The following LCA5 variants were observed in gnomAD, a reference collection of about 807,000 sequenced individuals.
LCA5 encodes lebercilin LCA5, also known as lebercilin.
In LCA5, 37 loss-of-function variants were observed where a neutral mutation model predicts 53.0. The ratio of observed to expected loss-of-function variants is 0.70; its 90% confidence interval spans 0.54 to 0.92. The LOEUF is 0.92. Among genes scored for constraint, LCA5 ranks in the 40% least tolerant of loss-of-function variants. The probability of loss-of-function intolerance (pLI) is 0.00; values close to 1 mark genes in which losing one functional copy is unlikely to be tolerated. For missense variants in LCA5, 806 were observed against 790.5 expected, an observed-to-expected ratio of 1.02 and a Z score of -0.23; for synonymous variants, 303 against 282.9, an observed-to-expected ratio of 1.07 and a Z score of -0.71.
intron 6 of LCA5, among the ~76,000 whole-genome samples, chr6:79,490,290 T>C (rs1331005438): frequency 1.4e-5 from 2 of 143,376 alleles, no homozygotes; most frequent in African/African-American, 5.3e-5. Context: ...TCCAATTTCA[T>C]CTGACTAAAA....
At chr6:79,532,413 T>C (rs532553254) in intron 1 of LCA5, among the ~76,000 whole-genome samples, 2 of 152,310 alleles carry the variant, frequency 1.3e-5, no homozygotes, top group African/African-American at 2.4e-5. Context: ...CTGCTTAATA[T>C]ACTTCAATGG....
Position 79,487,329 on chromosome 6 carries a change from T to C in LCA5, c.1769A>G (p.Asp590Gly), listed in dbSNP as rs771460783. 8.9e-5 allele frequency: 144 copies of C among 1,613,894 alleles called. 2 individuals carry two copies. In the East Asian group the frequency reaches 3.1e-3, roughly 35 times the overall value. Residue 590 changes from aspartate to glycine, a missense_variant, in exon 8 of 8, where the codon GAT becomes GGT. Coordinates refer to ENST00000369846, the MANE Select transcript of LCA5 (RefSeq NM_001122769.3). Reference sequence around the variant, plus strand: ...TTTTCTTGTAATTAAATCTACACCATCTTTACTAAGTTTTTCCATACTGTT... The same window carrying C: ...TTTTCTTGTAATTAAATCTACACCACCTTTACTAAGTTTTTCCATACTGTT... ...QRNSMEKLSK[D>G]GVDLITRKEK...
chr6:79,522,946 G>A (rs1370240734), intron 1 of LCA5, among the ~76,000 whole-genome samples: 1 of 150,198 alleles, frequency 6.7e-6, no homozygotes, highest in African/African-American at 2.5e-5. Flanking sequence ...AGAGATATAT[G>A]TTCAAATATT....
chr6:79,505,685 T>G (rs1770255374), intron 3 of LCA5, among the ~76,000 whole-genome samples: 1 of 152,178 alleles, frequency 6.6e-6, no homozygotes, highest in African/African-American at 2.4e-5. Context: ...TAGCTTCATT[T>G]GTTAGATAAA....
At position 79,492,660 on chromosome 6, in the gene LCA5, G is replaced by T. The variant is rs563228470; in HGVS notation, c.859-13C>A. ...CTCTCTCCTTTTCCTGAAAACAAAC[G>T]CAATACAATTAAGGAAGTAGAGCCT... On this transcript the variant is annotated splice_polypyrimidine_tract_variant and intron_variant, in intron 4 of 7. Coordinates refer to ENST00000369846, the MANE Select transcript of LCA5 (RefSeq NM_001122769.3). 2.3e-6 allele frequency: 3 copies of T among 1,324,232 alleles called. No individual in the cohort carries two copies. Among genetic ancestry groups the T allele is most frequent in the Admixed American group, 1.9e-5 (1 of 53,896 alleles). The allele number at this position is 1,324,232 out of a possible 1,614,324, so 82.0% of individuals were successfully genotyped here.
intron 3 of LCA5, among the ~76,000 whole-genome samples, chr6:79,510,311 TAAAG>T (rs1770378316): frequency 6.6e-6 from 1 of 152,042 alleles, no homozygotes; most frequent in South Asian, 2.1e-4. Context: ...AAACAAACAA[TAAAG>T]AACCTCAACC....
intron 2 of LCA5, among the ~76,000 whole-genome samples, chr6:79,516,418 T>C (rs979769287): frequency 2.6e-5 from 4 of 151,982 alleles, no homozygotes; most frequent in Non-Finnish European, 5.9e-5. Context: ...TACAAAATTA[T>C]ACCGCTCATA....
chr6:79,518,797 G>C lies in LCA5; in HGVS notation c.98C>G (p.Ser33Cys), dbSNP rs745815628. The C allele has an allele frequency of 2.5e-6, 4 of 1,614,148 alleles. No individual in the cohort carries two copies. Reference sequence around the variant, plus strand: ...AGAACTGACCAGCGATGATCGGCCAGAAGACTGTGGCGTTTCAAAATCAGA... The same window carrying C: ...AGAACTGACCAGCGATGATCGGCCACAAGACTGTGGCGTTTCAAAATCAGA... ...YLSDFETPQS[S>C]GRSSLVSSSP... Residue 33 changes from serine to cysteine, a missense_variant, in exon 2 of 8, where the codon TCT becomes TGT. By Grantham distance (112) the Ser-to-Cys change is moderately radical. Coordinates refer to ENST00000369846, the MANE Select transcript of LCA5 (RefSeq NM_001122769.3).
At position 79,526,085 on chromosome 6, in the gene LCA5, T is replaced by G. The variant is rs187385851; in HGVS notation, c.-191-7000A>C. On this transcript the variant is annotated intron_variant, in intron 1 of 7. Coordinates refer to ENST00000369846, the MANE Select transcript of LCA5 (RefSeq NM_001122769.3). ...GAAAACAGGCCACAGGAGGAAGGCC[T>G]CCCGAACTAAGACCATTTCAAAGCA... Among the ~76,000 whole-genome samples the G allele has an allele frequency of 2.0e-5, 3 of 152,178 alleles. No individual in the cohort carries two copies. In the East Asian group the frequency reaches 5.8e-4, roughly 29 times the overall value.
chr6:79,489,596 T>C (rs922610739), intron 6 of LCA5, among the ~76,000 whole-genome samples: 1 of 152,176 alleles, frequency 6.6e-6, no homozygotes, highest in Non-Finnish European at 1.5e-5. Context: ...TCAAGTGAGA[T>C]GCTGTTGAAC....
In LCA5 at chr6:79,485,455, C is replaced by T. The variant is rs970429480; in HGVS notation, c.*1549G>A. ...ATAGTAAATGGTTATACATATCAGA[C>T]ATACAAATCTATTAAGAAAACTTTT... On this transcript the variant is annotated 3_prime_UTR_variant, in exon 8 of 8. Transcript: ENST00000369846. The T allele has an allele frequency of 2.0e-5, 3 of 152,494 alleles. No homozygotes were observed. The highest frequency in any genetic ancestry group is 2.9e-5 in the Non-Finnish European group (2 of 68,000). The allele number at this position is 152,494 out of a possible 1,614,324, so 9.4% of individuals were successfully genotyped here. A position where few individuals can be genotyped will look rare whatever the true frequency, so the allele number is the denominator to read the frequency against.
chr6:79,511,475 G>A (rs1347139131), intron 3 of LCA5, among the ~76,000 whole-genome samples: 2 of 152,168 alleles, frequency 1.3e-5, no homozygotes, highest in Non-Finnish European at 2.9e-5. Context: ...GGGGAAGGCA[G>A]GAGGTAGCTG....
chr6:79,524,050 T>C (rs1427310601), intron 1 of LCA5, among the ~76,000 whole-genome samples: 1 of 152,200 alleles, frequency 6.6e-6, no homozygotes, highest in Non-Finnish European at 1.5e-5. Context: ...ATTGTCTTTT[T>C]TTTCCTATTA....
Position 79,513,318 on chromosome 6 carries a change from T to G in LCA5, c.614A>C (p.Lys205Thr). Reference sequence around the variant, plus strand: ...TCTAGCTTCAGAGATCTCTTTCAGTTTCTGTAAGGAAAATTTTGTCCTAAA... The same window carrying G: ...TCTAGCTTCAGAGATCTCTTTCAGTGTCTGTAAGGAAAATTTTGTCCTAAA... ...ELFRTKFSLQ[K>T]LKEISEARHL... The change falls in exon 3 of 8, where the codon AAA (lysine) becomes ACA (threonine). Residue 205 changes from lysine (K) to threonine (T), a missense_variant. Physicochemically the swap from Lys to Thr is moderately conservative, Grantham distance 78. Transcript: ENST00000369846. 1 of 1,613,874 alleles carries G rather than the reference T, an allele frequency of 6.2e-7. No homozygotes were observed.
At chr6:79,510,904 A>C (rs1770393966) in intron 3 of LCA5, among the ~76,000 whole-genome samples, 1 of 152,170 alleles carries the variant, frequency 6.6e-6, no homozygotes, top group South Asian at 2.1e-4. Flanking sequence ...AAAACTTTAA[A>C]AAGTGTTAAC....
rs1582609741 is a variant in LCA5, at chr6:79,487,176, G to C, written c.1922C>G (p.Pro641Arg). Residue 641 changes from proline (P) to arginine (R), a missense_variant, in exon 8 of 8, where the codon CCT (proline) becomes CGT (arginine). Pro to Arg is a moderately radical substitution (Grantham distance 103). Coordinates refer to ENST00000369846, the MANE Select transcript of LCA5 (RefSeq NM_001122769.3). Reference protein sequence around the residue: ...KGDIDPLNFLPGNKGSRDQEH... With the variant: ...KGDIDPLNFLRGNKGSRDQEH... ...TTGATCTCTGCTGCCTTTATTCCCA[G>C]GGAGAAAATTTAGAGGGTCAATGTC... 2 of 1,613,918 alleles carry C rather than the reference G, an allele frequency of 1.2e-6. No homozygotes were observed. Among genetic ancestry groups the C allele is most frequent in the African/African-American group, 1.3e-5 (1 of 75,014 alleles).
chr6:79,532,034 G>A (rs767383528), intron 1 of LCA5, among the ~76,000 whole-genome samples: 3 of 152,020 alleles, frequency 2.0e-5, no homozygotes, highest in Non-Finnish European at 2.9e-5. Context: ...AATCATTACC[G>A]TCCCTTTTCC....
intron 1 of LCA5, among the ~76,000 whole-genome samples, chr6:79,521,352 T>C (rs1325884914): frequency 6.6e-6 from 1 of 152,198 alleles, no homozygotes; most frequent in African/African-American, 2.4e-5. Flanking sequence ...ACCACACAAA[T>C]TAACCAGTTC....
In LCA5 at chr6:79,487,499, T is replaced by A. The variant is rs988291414; in HGVS notation, c.1599A>T (p.Lys533Asn). 1 of 1,614,052 alleles carries A rather than the reference T, an allele frequency of 6.2e-7. No individual in the cohort carries two copies. ...CATTTCCTGAATTCTGACCTTCTCC[T>A]TTTGGAGTTGAGAAACTGATGTCTT... ...HLQDISFSTP[K>N]GEGQNSGNVR... The change falls in exon 8 of 8, where the codon AAA becomes AAT. Residue 533 changes from lysine (K) to asparagine (N), a missense_variant. Transcript: ENST00000369846.
Sources: gnomAD v4.1 joint callset for allele counts (sites outside exome capture counted in the v4.1 genomes callset) on GRCh38, gnomAD v4.1.1 for gene constraint, MANE v1.5 for transcripts, NCBI Gene and HGNC (gene_info 2026-07-23, HGNC 2026-07-21) for gene names.